VAV3: variants seen among roughly 807,000 people sequenced by gnomAD.
The protein encoded by VAV3 is guanine nucleotide exchange factor VAV3.
A neutral mutation model predicts 131.2 loss-of-function variants in VAV3; 94 were observed. The observed-to-expected ratio is 0.72, with a 90% CI of 0.61 to 0.85. VAV3 has a LOEUF of 0.85. VAV3 is among the 40% of genes least tolerant of loss of function. The probability of loss-of-function intolerance (pLI) is 0.00; values close to 1 mark genes in which losing one functional copy is unlikely to be tolerated. For synonymous variants in VAV3, 349 were observed against 342.0 expected (o/e 1.02, Z -0.22); for missense variants, 939 against 1,002.7 (o/e 0.94, Z 0.86).
At chr1:107,686,153 CTAAA>C (rs1381812898) in intron 18 of VAV3, among the ~76,000 whole-genome samples, 1 of 151,838 alleles carries the variant, frequency 6.6e-6, no homozygotes. Context: ...TTTAAAGTAG[CTAAA>C]TATGTATGCA....
At chr1:107,835,590 G>A (rs1034483655) in intron 2 of VAV3, among the ~76,000 whole-genome samples, 3 of 152,172 alleles carry the variant, frequency 2.0e-5, no homozygotes, top group African/African-American at 7.2e-5. Flanking sequence ...ACACTTAACA[G>A]CCCAATGATC....
At chr1:107,614,289 T>G (rs1051992319) in intron 21 of VAV3, among the ~76,000 whole-genome samples, 6 of 152,066 alleles carry the variant, frequency 3.9e-5, no homozygotes, top group Admixed American at 2.6e-4. Flanking sequence ...TCAGAATTTT[T>G]GAGGAGATGG....
intron 1 of VAV3, among the ~76,000 whole-genome samples, chr1:107,952,283 G>T (rs538660210): frequency 6.6e-6 from 1 of 151,462 alleles, no homozygotes; most frequent in Non-Finnish European, 1.5e-5. Context: ...CACACGGAGG[G>T]GAACCACACA....
At chr1:107,605,865 C>T (rs921210292) in intron 22 of VAV3, among the ~76,000 whole-genome samples, 10 of 152,112 alleles carry the variant, frequency 6.6e-5, no homozygotes, top group Non-Finnish European at 1.2e-4. Context: ...AAAACACTTC[C>T]GGTCCCAAGC....
intron 1 of VAV3, among the ~76,000 whole-genome samples, chr1:107,927,359 C>G (rs756276284): frequency 6.6e-6 from 1 of 152,120 alleles, no homozygotes; most frequent in Non-Finnish European, 1.5e-5. Context: ...GTGAGACTCA[C>G]GACATTCCCA....
At chr1:107,841,221 CAT>C (rs1251231976) in intron 2 of VAV3, among the ~76,000 whole-genome samples, 1 of 152,006 alleles carries the variant, frequency 6.6e-6, no homozygotes, top group Non-Finnish European at 1.5e-5. Flanking sequence ...GATATGGTAA[CAT>C]AGCAGTGAAT....
At chr1:107,924,619 G>A (rs1207358416) in intron 1 of VAV3, among the ~76,000 whole-genome samples, 1 of 152,086 alleles carries the variant, frequency 6.6e-6, no homozygotes, top group African/African-American at 2.4e-5. Context: ...GAAAATTTAA[G>A]AAACTGTAAA....
chr1:107,862,647 T>A (rs1239549002), intron 2 of VAV3: 1 of 151,504 alleles, frequency 6.6e-6, no homozygotes, highest in Non-Finnish European at 1.5e-5. Context: ...GAAGACTCAA[T>A]GACCTCCATA....
intron 2 of VAV3, among the ~76,000 whole-genome samples, chr1:107,782,737 A>C (rs1326801566): frequency 1.3e-5 from 2 of 152,216 alleles, no homozygotes; most frequent in African/African-American, 2.4e-5. Flanking sequence ...GTATTCTATA[A>C]AGGCGAAGCG....
At chr1:107,908,836 CACACACA>C (rs1672232234) in intron 1 of VAV3, among the ~76,000 whole-genome samples, 2 of 103,872 alleles carry the variant, frequency 1.9e-5, no homozygotes, top group South Asian at 8.9e-4. Flanking sequence ...CACACACACA[CACACACA>C]CACACACACA....
chr1:107,721,872 C>T (rs974706806), intron 15 of VAV3, among the ~76,000 whole-genome samples: 1 of 152,212 alleles, frequency 6.6e-6, no homozygotes, highest in Non-Finnish European at 1.5e-5. Flanking sequence ...CTTCACCTTA[C>T]AATATGGGGT....
intron 2 of VAV3, among the ~76,000 whole-genome samples, chr1:107,802,988 G>A (rs1666896372): frequency 6.6e-6 from 1 of 151,488 alleles, no homozygotes. Flanking sequence ...TCTTTAATGA[G>A]AGACTTTTTA....
intron 19 of VAV3, among the ~76,000 whole-genome samples, chr1:107,652,264 T>G (rs902862652): frequency 6.6e-6 from 1 of 152,096 alleles, no homozygotes; most frequent in Non-Finnish European, 1.5e-5. Flanking sequence ...AGTTTACAAA[T>G]GCCATGGCAA....
chr1:107,931,377 C>T (rs921286276), intron 1 of VAV3, among the ~76,000 whole-genome samples: 2 of 152,082 alleles, frequency 1.3e-5, no homozygotes, highest in African/African-American at 4.8e-5. Context: ...CAAAATATCA[C>T]ATTGTACCCT....
chr1:107,938,727 T>C (rs1673843740), intron 1 of VAV3, among the ~76,000 whole-genome samples: 1 of 152,144 alleles, frequency 6.6e-6, no homozygotes, highest in Non-Finnish European at 1.5e-5. Flanking sequence ...TTTGATTACC[T>C]CAAAGGCTCC....
chr1:107,877,851 A>C (rs961914033), intron 1 of VAV3, among the ~76,000 whole-genome samples: 4 of 152,124 alleles, frequency 2.6e-5, no homozygotes, highest in Non-Finnish European at 5.9e-5. Flanking sequence ...ATTAGTGCTG[A>C]GTCTAGTGCG....
At chr1:107,710,597 TACA>T (rs1229555647) in intron 15 of VAV3, among the ~76,000 whole-genome samples, 1 of 152,178 alleles carries the variant, frequency 6.6e-6, no homozygotes, top group Middle Eastern at 3.2e-3. Flanking sequence ...TTCTCCATGA[TACA>T]ACAAGTTGGC....
intron 2 of VAV3, among the ~76,000 whole-genome samples, chr1:107,861,653 C>T (rs1669741370): frequency 6.6e-6 from 1 of 151,538 alleles, no homozygotes; most frequent in African/African-American, 2.4e-5. Context: ...CCAGTGTCCA[C>T]CCATATCCGA....
chr1:107,616,332 CAGGAACGGAAA>C (rs1653151253), intron 21 of VAV3, among the ~76,000 whole-genome samples: 1 of 145,168 alleles, frequency 6.9e-6, no homozygotes, highest in Non-Finnish European at 1.5e-5. Flanking sequence ...TGAACTAACA[CAGGAACGGAAA>C]AGCAAGTAAC....
Sources: allele counts gnomAD v4.1 joint callset (sites outside exome capture counted in the v4.1 genomes callset), GRCh38; gene constraint gnomAD v4.1.1; transcripts MANE v1.5; gene names NCBI Gene and HGNC (gene_info 2026-07-23, HGNC 2026-07-21).